Variants in CDH13 observed in about 807,000 individuals in gnomAD.
The protein encoded by CDH13 is cadherin 13.
Under a neutral mutation model 63.8 loss-of-function variants are expected in CDH13, and 24 were observed. That is an observed-to-expected ratio of 0.38 (90% CI 0.27 to 0.53). The LOEUF is 0.53. CDH13 is among the 20% of genes least tolerant of loss of function. CDH13 has a pLI of 0.85. For missense variants in CDH13, 1,049 were observed against 903.1 expected (o/e 1.16, Z -2.07); for synonymous variants, 503 against 355.3 (o/e 1.42, Z -4.67).
intron 2 of CDH13, among the ~76,000 whole-genome samples, chr16:82,932,964 T>TTAGGG (rs1182637093): frequency 6.6e-6 from 1 of 152,074 alleles, no homozygotes; most frequent in East Asian, 1.9e-4. Flanking sequence ...AAAGCAAGGG[T>TTAGGG]TAGCATTTTA....
At position 82,837,452 on chromosome 16, in the gene CDH13, G is replaced by GA. The variant is rs1048485238; in HGVS notation, c.46-20909dup. Reference sequence around the variant, plus strand: ...GATCCCCAAGTCCTAGGAAGTCCTAGAGTCCCCAAGGCCACCCCCAGTTTC... The same window carrying GA: ...GATCCCCAAGTCCTAGGAAGTCCTAGAAGTCCCCAAGGCCACCCCCAGTTTC... On this transcript the variant is annotated intron_variant, in intron 1 of 13. Transcript: ENST00000567109. 2.1e-3 allele frequency among the ~76,000 whole-genome samples: 23 copies of GA among 11,032 alleles called. No homozygotes were observed. In the Non-Finnish European group the frequency reaches 0.078, roughly 37 times the overall value. The allele number at this position is 11,032 out of a possible 152,430, so 7.2% of individuals were successfully genotyped here.
intron 2 of CDH13, among the ~76,000 whole-genome samples, chr16:82,879,577 AATATTAT>A (rs986696212): frequency 7.7e-5 from 11 of 141,936 alleles, no homozygotes; most frequent in African/African-American, 2.6e-4. Flanking sequence ...TTTTATATAC[AATATTAT>A]ATATTATATT....
intron 5 of CDH13, among the ~76,000 whole-genome samples, chr16:83,249,739 C>A (rs1905304715): frequency 1.3e-5 from 2 of 152,158 alleles, no homozygotes; most frequent in Admixed American, 6.6e-5. Flanking sequence ...GACAATGCTA[C>A]TGGTAACTGT....
chr16:83,167,736 C>T (rs114192733), intron 4 of CDH13, among the ~76,000 whole-genome samples: 1 of 151,564 alleles, frequency 6.6e-6, no homozygotes, highest in African/African-American at 2.4e-5. Context: ...CTCCCTCCTT[C>T]TGGTTTCCAT....
chr16:82,889,055 A>C (rs952518443), intron 2 of CDH13, among the ~76,000 whole-genome samples: 1 of 152,082 alleles, frequency 6.6e-6, no homozygotes, highest in African/African-American at 2.4e-5. Flanking sequence ...TTGATAAGCT[A>C]CTCTGTGAAG....
At chr16:82,844,776 A>G (rs1216848076) in intron 1 of CDH13, 2 of 143,994 alleles carry the variant, frequency 1.4e-5, no homozygotes, top group African/African-American at 5.1e-5. Flanking sequence ...AGTATCTGGG[A>G]CTACAGGCGC....
At chr16:83,596,745 A>C (rs998586777) in intron 7 of CDH13, among the ~76,000 whole-genome samples, 1 of 152,188 alleles carries the variant, frequency 6.6e-6, no homozygotes, top group African/African-American at 2.4e-5. Context: ...AAGGGAGTTC[A>C]TGTGGCATTT....
chr16:83,183,972 C>G (rs1456715770), intron 4 of CDH13, among the ~76,000 whole-genome samples: 1 of 151,994 alleles, frequency 6.6e-6, no homozygotes, highest in Non-Finnish European at 1.5e-5. Context: ...CTCTAAGGCA[C>G]CCCCGTTTCT....
intron 2 of CDH13, among the ~76,000 whole-genome samples, chr16:82,874,310 C>T (rs1195369411): frequency 1.3e-5 from 2 of 152,066 alleles, no homozygotes; most frequent in African/African-American, 4.8e-5. Flanking sequence ...AAGTTGCAAA[C>T]CTTAGTCGTG....
At chr16:83,035,764 C>T (rs533809247) in intron 3 of CDH13, among the ~76,000 whole-genome samples, 1 of 152,142 alleles carries the variant, frequency 6.6e-6, no homozygotes, top group East Asian at 1.9e-4. Flanking sequence ...ATTGCTTTAC[C>T]TCCTGAGCCT....
At chr16:83,178,371 C>T (rs2038213988) in intron 4 of CDH13, among the ~76,000 whole-genome samples, 1 of 152,276 alleles carries the variant, frequency 6.6e-6, no homozygotes, top group Non-Finnish European at 1.5e-5. Flanking sequence ...AGTTGAGAAC[C>T]ACTGATTTAG....
At chr16:82,923,255 G>C (rs773814326) in intron 2 of CDH13, among the ~76,000 whole-genome samples, 5 of 152,230 alleles carry the variant, frequency 3.3e-5, no homozygotes, top group Non-Finnish European at 5.9e-5. Flanking sequence ...ATACTGCTCA[G>C]TATCTGGCAC....
chr16:83,094,273 A>G (rs545957536), intron 3 of CDH13, among the ~76,000 whole-genome samples: 5 of 152,260 alleles, frequency 3.3e-5, no homozygotes, highest in South Asian at 2.1e-4. Context: ...TGTCATTGCA[A>G]TGGGGTTACT....
chr16:83,157,242 C>CGGTGAGA (rs796747222), intron 4 of CDH13, among the ~76,000 whole-genome samples: 3 of 152,142 alleles, frequency 2.0e-5, no homozygotes, highest in East Asian at 3.9e-4. Flanking sequence ...TCAGATCAAG[C>CGGTGAGA]GGTGAGATGA....
At chr16:83,711,740 C>T (rs1169901467) in intron 10 of CDH13, among the ~76,000 whole-genome samples, 7 of 152,152 alleles carry the variant, frequency 4.6e-5, no homozygotes, top group Non-Finnish European at 1.0e-4. Context: ...TGGTCTCGAA[C>T]TCCTGACCTT....
chr16:82,838,701 G>A (rs2038875452), intron 1 of CDH13, among the ~76,000 whole-genome samples: 1 of 152,106 alleles, frequency 6.6e-6, no homozygotes, highest in South Asian at 2.1e-4. Context: ...AGTCATTGTG[G>A]GGACCTCTAT....
intron 3 of CDH13, among the ~76,000 whole-genome samples, chr16:83,038,972 T>G (rs1255281387): frequency 6.6e-6 from 1 of 152,188 alleles, no homozygotes; most frequent in Non-Finnish European, 1.5e-5. Flanking sequence ...ATTCTGACAT[T>G]GGGTTTGGGA....
intron 7 of CDH13, among the ~76,000 whole-genome samples, chr16:83,571,888 A>G (rs572685245): frequency 3.3e-5 from 5 of 151,000 alleles, no homozygotes; most frequent in Non-Finnish European, 7.4e-5. Context: ...CACTCCGGCC[A>G]CAGAACTTAG....
intron 6 of CDH13, among the ~76,000 whole-genome samples, chr16:83,410,365 A>G (rs528712815): frequency 1.3e-5 from 2 of 152,200 alleles, no homozygotes; most frequent in South Asian, 2.1e-4. Context: ...TTATACAGCA[A>G]TTTCCTTCCA....
Sources: gnomAD v4.1 joint callset for allele counts (sites outside exome capture counted in the v4.1 genomes callset) on GRCh38, gnomAD v4.1.1 for gene constraint, MANE v1.5 for transcripts, NCBI Gene and HGNC (gene_info 2026-07-23, HGNC 2026-07-21) for gene names.